Variants in ERICH3 observed in about 807,000 individuals in gnomAD.
ERICH3 encodes the protein glutamate rich 3.
ERICH3 carries 126 observed loss-of-function variants against 131.1 expected under a neutral mutation model. The observed-to-expected ratio is 0.96, with a 90% CI of 0.83 to 1.11. ERICH3 has a LOEUF of 1.11. Among genes scored for constraint, ERICH3 ranks in the 50% most tolerant of loss-of-function variants. The pLI, the probability that ERICH3 is intolerant of heterozygous loss-of-function variation, is 0.00. For synonymous variants in ERICH3, 695 were observed against 644.6 expected, an observed-to-expected ratio of 1.08 and a Z score of -1.18; for missense variants, 2,050 against 1,810.7, an observed-to-expected ratio of 1.13 and a Z score of -2.40.
intron 7 of ERICH3, chr1:74,622,474 G>C (rs1401790148): frequency 1.3e-5 from 2 of 152,246 alleles, no homozygotes; most frequent in African/African-American, 4.8e-5. Flanking sequence ...ATAATCCCAT[G>C]TTTCCTCTTG....
intron 7 of ERICH3, among the ~76,000 whole-genome samples, chr1:74,629,617 T>C (rs1649525995): frequency 1.3e-5 from 2 of 152,140 alleles, no homozygotes; most frequent in African/African-American, 4.8e-5. Context: ...CTCCTGGTCA[T>C]TTTCCTGCTG....
rs773357560 is a variant in ERICH3, at chr1:74,571,334, GTGGC to G, written c.4372_4375del (p.Ala1458LeufsTer18). On this transcript the variant is annotated frameshift_variant, in exon 14 of 15. Transcript: ENST00000326665. LOFTEE classifies it high-confidence loss of function. ...CTCCTGCCTCCCATCGCCACTCCCA[GTGGC>G]TGCCTCCTGGCCCTCTGACCCTTCC... 2 of 1,613,950 alleles carry G rather than the reference GTGGC, an allele frequency of 1.2e-6. No individual in the cohort carries two copies. The highest frequency in any genetic ancestry group is 3.3e-5 in the Admixed American group (2 of 60,014).
At chr1:74,670,508 G>A (rs914643558) in intron 1 of ERICH3, among the ~76,000 whole-genome samples, 2 of 152,158 alleles carry the variant, frequency 1.3e-5, no homozygotes, top group Non-Finnish European at 2.9e-5. Flanking sequence ...AACATAAATT[G>A]TGACGATTTC....
Position 74,572,100 on chromosome 1 carries a change from G to C in ERICH3, c.3610C>G (p.Leu1204Val). 1 of 1,614,210 alleles carries C rather than the reference G, an allele frequency of 6.2e-7. No individual in the cohort carries two copies. Among genetic ancestry groups the C allele is most frequent in the Non-Finnish European group, 8.5e-7 (1 of 1,180,036 alleles). The change falls in exon 14 of 15, where the codon CTG becomes GTG. Residue 1204 changes from leucine to valine, a missense_variant. Coordinates refer to ENST00000326665, the MANE Select transcript of ERICH3 (RefSeq NM_001002912.5). ...CCATCTTGGCGGTGCCCTTCCTTCA[G>C]GGCCCTATTCTCCCTGCTGGACAGC... The part of the protein sequence containing the change: ...EELSSRENRA[L>V]KEGHRQDGEG...
rs1188264159 is a variant in ERICH3 at position 74,612,626 on chromosome 1, T to C, written c.1184A>G (p.Tyr395Cys). 3 of 1,550,522 alleles carry C rather than the reference T, an allele frequency of 1.9e-6. No individual in the cohort carries two copies. The highest frequency in any genetic ancestry group is 3.5e-5 in the Admixed American group (2 of 57,948). The change falls in exon 9 of 15, where the codon TAC becomes TGC. Residue 395 changes from tyrosine (Y) to cysteine (C), a missense_variant. Transcript: ENST00000326665. ...FVCVERSSPC[Y>C]KCIIAMGLDK... The stretch of plus-strand genomic sequence containing the variant: ...CAAAGGACATTTGTTTCCATACTTG[T>C]AGCAAGGAGATGATCTCTCAACACA...
intron 1 of ERICH3, among the ~76,000 whole-genome samples, chr1:74,656,866 C>A (rs1471912760): frequency 1.3e-5 from 2 of 152,128 alleles, no homozygotes; most frequent in Non-Finnish European, 2.9e-5. Flanking sequence ...CCACCTTCCA[C>A]CAGAATTTCT....
chr1:74,650,751 T>C (rs1646525724), intron 1 of ERICH3, among the ~76,000 whole-genome samples: 1 of 152,082 alleles, frequency 6.6e-6, no homozygotes, highest in African/African-American at 2.4e-5. Context: ...TTTCTGGAAT[T>C]TTTCCATTTA....
At chr1:74,644,488 C>G (rs146175057) in intron 3 of ERICH3, among the ~76,000 whole-genome samples, 55 of 152,180 alleles carry the variant, frequency 3.6e-4, no homozygotes, top group Non-Finnish European at 7.2e-4. Context: ...TCCAGGACAC[C>G]ATGCTAACAG....
chr1:74,637,888 G>T (rs2100630772), intron 5 of ERICH3, among the ~76,000 whole-genome samples: 1 of 151,684 alleles, frequency 6.6e-6, no homozygotes, highest in East Asian at 2.0e-4. Flanking sequence ...TTCAGCCTGG[G>T]CCACAGAGTG....
In ERICH3 at chr1:74,571,952, C is replaced by T; in HGVS notation, c.3758G>A (p.Gly1253Glu). The change falls in exon 14 of 15, where the codon GGA becomes GAA. Residue 1253 changes from glycine to glutamate, a missense_variant. Gly to Glu is a moderately conservative substitution (Grantham distance 98). Coordinates refer to ENST00000326665, the MANE Select transcript of ERICH3 (RefSeq NM_001002912.5). ...TTGCCCTTCAGCTCTCCCCTCCAGTCCTGCGCAGGAGTCGTGATCTTTGGC... is the reference window on the plus strand; with the variant it reads ...TTGCCCTTCAGCTCTCCCCTCCAGTTCTGCGCAGGAGTCGTGATCTTTGGC... ...LAAKDHDSCA[G>E]LEGRAEGQGG... 1.9e-6 allele frequency: 3 copies of T among 1,613,778 alleles called. No individual in the cohort carries two copies. The highest frequency in any genetic ancestry group is 2.7e-5 in the African/African-American group (2 of 75,066).
chr1:74,606,580 G>T (rs41289216), intron 10 of ERICH3, 21 bp downstream of exon 10: 742,013 of 1,568,138 alleles, frequency 0.47, 182,629 homozygotes, highest in Non-Finnish European at 0.51. Context: ...TACAACAAAA[G>T]AAACTTGTGT....
intron 1 of ERICH3, among the ~76,000 whole-genome samples, chr1:74,663,555 G>T (rs1438796985): frequency 6.7e-6 from 1 of 150,126 alleles, no homozygotes; most frequent in African/African-American, 2.5e-5. Context: ...CTGCAGTTAT[G>T]GTCCATGAGA....
chr1:74,587,185 C>A (rs1466000065), intron 12 of ERICH3, among the ~76,000 whole-genome samples: 2 of 151,582 alleles, frequency 1.3e-5, no homozygotes, highest in African/African-American at 2.4e-5. Flanking sequence ...ATTAGCCAGG[C>A]GTGGTGGCGA....
intron 2 of ERICH3, 41 bp downstream of exon 2, chr1:74,649,181 A>T: frequency 7.1e-7 from 1 of 1,399,164 alleles, no homozygotes; most frequent in Non-Finnish European, 1.0e-6. Flanking sequence ...TATTGGACTT[A>T]ATGAAACAAG....
intron 11 of ERICH3, among the ~76,000 whole-genome samples, chr1:74,593,903 A>C (rs1294316891): frequency 6.6e-6 from 1 of 152,152 alleles, no homozygotes; most frequent in Non-Finnish European, 1.5e-5. Flanking sequence ...GCCTTCAGAC[A>C]GGAAGTACCC....
chr1:74,615,435 GC>G (rs1648914869), intron 8 of ERICH3: 1 of 152,078 alleles, frequency 6.6e-6, no homozygotes, highest in South Asian at 2.1e-4. Context: ...ATATTAGAAA[GC>G]ATTATATATG....
chr1:74,602,546 T>C (rs1314418479), intron 10 of ERICH3, among the ~76,000 whole-genome samples: 1 of 151,916 alleles, frequency 6.6e-6, no homozygotes, highest in Non-Finnish European at 1.5e-5. Flanking sequence ...TTGCTGACCT[T>C]GATTCAAACT....
At chr1:74,620,186 A>G (rs1410415623) in intron 8 of ERICH3, among the ~76,000 whole-genome samples, 4 of 152,210 alleles carry the variant, frequency 2.6e-5, no homozygotes, top group Non-Finnish European at 1.5e-5. Context: ...GCAAAAACCT[A>G]CATTGCATAT....
At chr1:74,589,078 C>T (rs1647464924) in intron 12 of ERICH3, among the ~76,000 whole-genome samples, 1 of 151,992 alleles carries the variant, frequency 6.6e-6, no homozygotes, top group Non-Finnish European at 1.5e-5. Flanking sequence ...TCTTTGGTAA[C>T]TTATTTAACC....
Sources: gnomAD v4.1 joint callset for allele counts (sites outside exome capture counted in the v4.1 genomes callset) on GRCh38, gnomAD v4.1.1 for gene constraint, MANE v1.5 for transcripts, NCBI Gene and HGNC (gene_info 2026-07-23, HGNC 2026-07-21) for gene names.